CARM1: variants seen among roughly 807,000 people sequenced by gnomAD.
CARM1 encodes the protein histone-arginine methyltransferase CARM1.
In CARM1, 14 loss-of-function variants were observed where a neutral mutation model predicts 72.7. That is an observed-to-expected ratio of 0.19 (90% CI 0.13 to 0.30). The LOEUF is 0.30. CARM1 is among the 10% of genes least tolerant of loss of function. CARM1 has a pLI of 1.00. For missense variants in CARM1, 432 were observed against 833.7 expected, an observed-to-expected ratio of 0.52 and a Z score of 5.93; for synonymous variants, 333 against 345.5, an observed-to-expected ratio of 0.96 and a Z score of 0.40.
intron 1 of CARM1, among the ~76,000 whole-genome samples, chr19:10,882,704 G>A (rs2073911225): frequency 6.6e-6 from 1 of 151,990 alleles, no homozygotes; most frequent in Non-Finnish European, 1.5e-5. Context: ...ACCATGCCCG[G>A]CTAATTTTTG....
At chr19:10,900,620 G>A (rs925577870) in intron 1 of CARM1, among the ~76,000 whole-genome samples, 10 of 152,096 alleles carry the variant, frequency 6.6e-5, no homozygotes, top group Non-Finnish European at 1.3e-4. Context: ...TGTGTCTGTC[G>A]TGAATAAGTA....
chr19:10,896,198 C>G lies in CARM1; in HGVS notation c.221-8753C>G, dbSNP rs921249127. 1.3e-5 allele frequency among the ~76,000 whole-genome samples: 2 copies of G among 152,010 alleles called. No homozygotes were observed. Among genetic ancestry groups the G allele is most frequent in the African/African-American group, 2.4e-5 (1 of 41,368 alleles). ...GCTCAGTGAGACCCTTGAGAGACGT[C>G]TCCCCGTTCTTCCAAGACCCTCCTG... On this transcript the variant is annotated intron_variant, in intron 1 of 15. Transcript: ENST00000327064. This position sits in a 1 kb window ranked among gnomAD's most constrained non-coding sequence, Gnocchi z 5.2.
At chr19:10,906,745 G>T (rs922460389) in intron 2 of CARM1, among the ~76,000 whole-genome samples, 5 of 151,538 alleles carry the variant, frequency 3.3e-5, no homozygotes, top group Admixed American at 6.6e-5. Flanking sequence ...GATTACATGC[G>T]TGAGCAACCA....
intron 8 of CARM1, among the ~76,000 whole-genome samples, chr19:10,917,132 G>A (rs2074204070): frequency 6.6e-6 from 1 of 152,054 alleles, no homozygotes; most frequent in Admixed American, 6.6e-5. Context: ...GTGAGCTGAT[G>A]TGATTTATTG....
intron 8 of CARM1, among the ~76,000 whole-genome samples, chr19:10,917,169 C>G (rs1053900527): frequency 1.3e-5 from 2 of 151,956 alleles, no homozygotes; most frequent in Non-Finnish European, 2.9e-5. Flanking sequence ...ATTTTTGATA[C>G]ATAGATCCAT....
chr19:10,907,862 G>A (rs1190929506), intron 2 of CARM1, among the ~76,000 whole-genome samples, 177 bp from the exon 3 acceptor site: 1 of 152,232 alleles, frequency 6.6e-6, no homozygotes, highest in Non-Finnish European at 1.5e-5. Flanking sequence ...TGCAGGCATG[G>A]CTGCCCTTCA....
At position 10,904,980 on chromosome 19, in the gene CARM1, G is replaced by C; in HGVS notation, c.250G>C (p.Val84Leu). The C allele has an allele frequency of 1.9e-6, 3 of 1,614,228 alleles. No homozygotes were observed. Reference sequence around the variant, plus strand: ...AGATGTGTGTGTCTTTAAGTGCTCAGTGTCCCGAGAGACAGAGTGCAGCCG... The same window carrying C: ...AGATGTGTGTGTCTTTAAGTGCTCACTGTCCCGAGAGACAGAGTGCAGCCG... The part of the protein sequence containing the change: ...HEDVCVFKCS[V>L]SRETECSRVG... The change falls in exon 2 of 16, where the codon GTG becomes CTG. Residue 84 changes from valine (V) to leucine (L), a missense_variant. By Grantham distance (32) the Val-to-Leu change is conservative (BLOSUM62 1). Transcript: ENST00000327064.
intron 1 of CARM1, among the ~76,000 whole-genome samples, chr19:10,878,900 G>A (rs963119990): frequency 2.3e-4 from 34 of 149,586 alleles, no homozygotes; most frequent in Non-Finnish European, 4.7e-4. Flanking sequence ...TCTGCCTCCC[G>A]GGTTCAAGCG....
chr19:10,875,334 T>G (rs1049288249), intron 1 of CARM1, among the ~76,000 whole-genome samples: 1 of 150,464 alleles, frequency 6.6e-6, no homozygotes, highest in Non-Finnish European at 1.5e-5. Context: ...CTTTTTTCCT[T>G]TTTTTTTTAA....
intron 1 of CARM1, among the ~76,000 whole-genome samples, chr19:10,895,735 A>G (rs1437590655): frequency 6.6e-6 from 1 of 152,184 alleles, no homozygotes; most frequent in African/African-American, 2.4e-5. Flanking sequence ...GTCAGTACCC[A>G]TGAGTGCCCC....
chr19:10,876,770 G>A lies in CARM1; in HGVS notation c.220+4848G>A, dbSNP rs180909948. The stretch of plus-strand genomic sequence containing the variant: ...ATGGCCTCTGGAGTTCCTGGGCATA[G>A]GCTGCCCTCCCTTGGAAAGGAGGCA... On this transcript the variant is annotated intron_variant, in intron 1 of 15. Transcript: ENST00000327064. Among the ~76,000 whole-genome samples, 11 of 152,376 alleles carry A rather than the reference G, an allele frequency of 7.2e-5. No homozygotes were observed. In the East Asian group the frequency reaches 1.2e-3, roughly 16 times the overall value.
At chr19:10,919,714 G>A in intron 9 of CARM1, 34 bp downstream of exon 9, 3 of 1,589,060 alleles carry the variant, frequency 1.9e-6, no homozygotes, top group Non-Finnish European at 2.6e-6. Flanking sequence ...TCCCAGGCCT[G>A]GCTCAGGCCG....
intron 1 of CARM1, among the ~76,000 whole-genome samples, chr19:10,904,297 G>A (rs1488861048): frequency 6.6e-6 from 1 of 152,242 alleles, no homozygotes; most frequent in Non-Finnish European, 1.5e-5. Context: ...CAGGGGCACA[G>A]TGCCTGATTG....
Position 10,916,199 on chromosome 19 carries a change from C to T in CARM1, c.848-208C>T, listed in dbSNP as rs928857178. On this transcript the variant is annotated intron_variant, in intron 6 of 15. Coordinates refer to ENST00000327064, the MANE Select transcript of CARM1 (RefSeq NM_199141.2). The surrounding 1 kb of genome is among the most constrained non-coding windows in gnomAD (Gnocchi z 4.4). The stretch of plus-strand genomic sequence containing the variant: ...CAGCCTCCCAGTCTCAGGTGGAATT[C>T]GTGAGCTGGTGCAGGTCAGGTACCC... Among the ~76,000 whole-genome samples the T allele has an allele frequency of 2.0e-5, 3 of 152,170 alleles. No homozygotes were observed. The highest frequency in any genetic ancestry group is 6.5e-5 in the Admixed American group (1 of 15,274).
rs1055433502 is a variant in CARM1 at position 10,888,073 on chromosome 19, A to G, written c.220+16151A>G. Among the ~76,000 whole-genome samples the G allele has an allele frequency of 3.9e-5, 6 of 152,264 alleles. No homozygotes were observed. The South Asian group carries it at 1.2e-3, about 32-fold the overall frequency. On this transcript the variant is annotated intron_variant, in intron 1 of 15. Transcript: ENST00000327064. ...CACGCCTCATTCAGCCCGACCTTCC[A>G]GGCCACTGTGGGTGTCTCCTCTGCA... is the stretch of plus-strand genomic sequence containing the variant.
intron 2 of CARM1, 75 bp from the exon 3 acceptor site, chr19:10,907,964 C>A: frequency 2.3e-6 from 2 of 885,148 alleles, no homozygotes; most frequent in South Asian, 2.7e-5. Context: ...ATACGGCCAT[C>A]CAGAACCTTC....
At chr19:10,921,212 C>A in intron 14 of CARM1, 85 bp downstream of exon 14, 1 of 1,478,002 alleles carries the variant, frequency 6.8e-7, no homozygotes, top group Non-Finnish European at 9.4e-7. Context: ...TGACCAGGGT[C>A]GGCCTCTGCT....
rs202083739 is a variant in CARM1 at position 10,921,595 on chromosome 19, T to G, written c.1685-20T>G. ...TGGGCGGGCCAGGGCAGCCCCTCAC[T>G]GCCATTGCCTGCTCCACAGGGTCCT... On this transcript the variant is annotated intron_variant, in intron 15 of 15. Transcript: ENST00000327064. 463 of 1,599,544 alleles carry G rather than the reference T, an allele frequency of 2.9e-4. No homozygotes were observed. Among genetic ancestry groups the G allele is most frequent in the Middle Eastern group, 6.7e-4 (4 of 6,002 alleles).
In CARM1 at chr19:10,920,284, G is replaced by T; in HGVS notation, c.1197-152G>T. 1 of 863,224 alleles carries T rather than the reference G, an allele frequency of 1.2e-6. No individual in the cohort carries two copies. Among genetic ancestry groups the T allele is most frequent in the South Asian group, 1.8e-5 (1 of 56,336 alleles). 53.5% of individuals were successfully genotyped at this position (863,224 alleles called of 1,614,324 possible). ...GTATGCCTGCTCATGTTTGTGTCTG[G>T]GACTGCCTGGGGGCCAGCCTGTCTC... On this transcript the variant is annotated intron_variant, in intron 10 of 15. Coordinates refer to ENST00000327064, the MANE Select transcript of CARM1 (RefSeq NM_199141.2). This position sits in a 1 kb window ranked among gnomAD's most constrained non-coding sequence, Gnocchi z 5.3.
Sources: allele counts gnomAD v4.1 joint callset (sites outside exome capture counted in the v4.1 genomes callset), GRCh38; gene constraint gnomAD v4.1.1; non-coding constraint Gnocchi (gnomAD v3.1); transcripts MANE v1.5; gene names NCBI Gene and HGNC (gene_info 2026-07-23, HGNC 2026-07-21).